The following VPS54 variants were observed in gnomAD, a reference collection of about 807,000 sequenced individuals.
The protein encoded by VPS54 is vacuolar protein sorting-associated protein 54.
VPS54 carries 45 observed loss-of-function variants against 121.5 expected under a neutral mutation model. The observed-to-expected ratio is 0.37, with a 90% confidence interval of 0.29 to 0.47. The LOEUF is 0.47. Among genes scored for constraint, VPS54 ranks in the 20% least tolerant of loss-of-function variants. VPS54 has a pLI of 0.99. For synonymous variants in VPS54, 371 were observed against 385.8 expected, an observed-to-expected ratio of 0.96 and a Z score of 0.45; for missense variants, 1,090 against 1,131.4, an observed-to-expected ratio of 0.96 and a Z score of 0.52.
At position 63,897,472 on chromosome 2, in the gene VPS54, T is replaced by C. The variant is rs561893673; in HGVS notation, c.2828+24A>G. ...TAAAACAATTCGATATGGGAGTATA[T>C]GGTGAAAACGTTAAAAAACATACCC... On this transcript the variant is annotated intron_variant, in intron 22 of 22. Transcript: ENST00000272322. 8.3e-6 allele frequency: 12 copies of C among 1,444,428 alleles called. No homozygotes were observed. The South Asian group carries it at 1.2e-4, about 15-fold the overall frequency. The allele number at this position is 1,444,428 out of a possible 1,614,324, so 89.5% of individuals were successfully genotyped here. A position where few individuals can be genotyped will look rare whatever the true frequency, so the allele number is the denominator to read the frequency against.
rs368443052 is a variant in VPS54, at chr2:63,969,176, A to T, written c.458-185T>A. Among the ~76,000 whole-genome samples, 39 of 152,334 alleles carry T rather than the reference A, an allele frequency of 2.6e-4. No individual in the cohort carries two copies. In the East Asian group the frequency reaches 6.4e-3, roughly 25 times the overall value. ...TAGTAGGCAAAGCGCTGAACAAAAC[A>T]ATGTTTCAGGTAATTGTAATCAATT... On this transcript the variant is annotated intron_variant, in intron 4 of 22. Transcript: ENST00000272322.
At chr2:63,964,528 A>C (rs1675902063) in intron 6 of VPS54, among the ~76,000 whole-genome samples, 1 of 152,190 alleles carries the variant, frequency 6.6e-6, no homozygotes, top group Non-Finnish European at 1.5e-5. Context: ...TTAGAATATG[A>C]AAGCCTGTGT....
At chr2:63,934,342 T>C (rs1034715305) in intron 11 of VPS54, among the ~76,000 whole-genome samples, 5 of 152,198 alleles carry the variant, frequency 3.3e-5, no homozygotes, top group African/African-American at 7.2e-5. Context: ...CAGAGAATCA[T>C]ATACATTGAT....
chr2:63,918,768 C>A (rs1673500558), intron 15 of VPS54, among the ~76,000 whole-genome samples: 1 of 152,098 alleles, frequency 6.6e-6, no homozygotes, highest in African/African-American at 2.4e-5. Flanking sequence ...CCCTCTCTCT[C>A]TAACTTCTTT....
chr2:63,989,682 CTG>C (rs1264312273), intron 1 of VPS54, among the ~76,000 whole-genome samples: 1 of 152,280 alleles, frequency 6.6e-6, no homozygotes, highest in East Asian at 1.9e-4. Context: ...GGTGAGTAGT[CTG>C]TGAATTTGTC....
intron 2 of VPS54, 43 bp from the exon 3 acceptor site, chr2:63,981,930 T>C (rs1349983194): frequency 6.4e-7 from 1 of 1,566,054 alleles, no homozygotes; most frequent in Admixed American, 1.9e-5. Context: ...GCTGTAAAAT[T>C]GGTTCTATGT....
chr2:63,940,524 G>C (rs1366539906), intron 11 of VPS54, among the ~76,000 whole-genome samples: 1 of 152,134 alleles, frequency 6.6e-6, no homozygotes, highest in Non-Finnish European at 1.5e-5. Context: ...CTGAATGATA[G>C]ATTCTGGGAG....
chr2:63,988,000 G>A (rs1254045006), intron 1 of VPS54, among the ~76,000 whole-genome samples: 3 of 152,136 alleles, frequency 2.0e-5, no homozygotes, highest in Non-Finnish European at 4.4e-5. Flanking sequence ...TTCCAATTTG[G>A]ATGCTTTCTT....
chr2:63,900,919 C>G (rs999019480), intron 20 of VPS54, among the ~76,000 whole-genome samples: 2 of 152,186 alleles, frequency 1.3e-5, no homozygotes, highest in East Asian at 3.9e-4. Flanking sequence ...CTTGCCACCC[C>G]GCCCAGGTAA....
intron 11 of VPS54, among the ~76,000 whole-genome samples, chr2:63,938,059 G>GTGTGTGTGTGTGTGTGTGTGTGTGTGTGT (rs9309357): frequency 7.1e-5 from 10 of 140,478 alleles, no homozygotes; most frequent in African/African-American, 2.8e-4. Flanking sequence ...TGGTGTGTGT[G>GTGTGTGTGTGTGTGTGTGTGTGTGTGTGT]GTGTGTGTGT....
chr2:63,984,067 C>G, intron 1 of VPS54, 48 bp from the exon 2 acceptor site: 1 of 1,466,328 alleles, frequency 6.8e-7, no homozygotes, highest in African/African-American at 1.4e-5. Flanking sequence ...AATCAAAATC[C>G]AAGTATTATA....
intron 1 of VPS54, among the ~76,000 whole-genome samples, chr2:63,986,456 C>T (rs1289934946): frequency 6.6e-6 from 1 of 152,226 alleles, no homozygotes; most frequent in Non-Finnish European, 1.5e-5. Context: ...TTTTCTATGG[C>T]TGAATAGTTC....
At chr2:63,952,367 G>A (rs1675293846) in intron 7 of VPS54, among the ~76,000 whole-genome samples, 1 of 152,078 alleles carries the variant, frequency 6.6e-6, no homozygotes, top group African/African-American at 2.4e-5. Context: ...GGAAAAAAAT[G>A]TTTTAAGCTC....
chr2:64,017,021 TAAAAAAAAAA>T (rs777168254), intron 1 of VPS54, among the ~76,000 whole-genome samples: 3 of 100,382 alleles, frequency 3.0e-5, no homozygotes, highest in Admixed American at 1.1e-4. Context: ...TTTTGTTGAT[TAAAAAAAAAA>T]AAAAAAAAAA....
chr2:63,933,422 T>C (rs1450831596), intron 12 of VPS54, among the ~76,000 whole-genome samples: 1 of 152,172 alleles, frequency 6.6e-6, no homozygotes, highest in Non-Finnish European at 1.5e-5. Context: ...ATCACTGAAA[T>C]GAGGGCATTT....
intron 3 of VPS54, among the ~76,000 whole-genome samples, chr2:63,972,926 G>A (rs1375669182): frequency 8.0e-5 from 12 of 150,728 alleles, no homozygotes; most frequent in Admixed American, 1.3e-4. Context: ...TTATTGACAC[G>A]TTCTGAGTAA....
At position 63,942,524 on chromosome 2, in the gene VPS54, A is replaced by C. The variant is rs751413916; in HGVS notation, c.1339T>G (p.Trp447Gly). The change falls in exon 11 of 23, where the codon TGG becomes GGG. Residue 447 changes from tryptophan (W) to glycine (G), a missense_variant. Around this residue, in one of 2 missense-constraint regions of VPS54, gnomAD observed 801 missense variants for 757.0 expected, o/e 1.06. Transcript: ENST00000272322. ...AAAATATCCTTGAGCAGATCAAACC[A>C]CTGGGGAAAATTCAACATTCTCATC... is the stretch of plus-strand genomic sequence containing the variant. ...DQMRMLNFPQ[W>G]FDLLKDIFSK... The C allele has an allele frequency of 6.3e-7, 1 of 1,597,434 alleles. No individual in the cohort carries two copies. Among genetic ancestry groups the C allele is most frequent in the Non-Finnish European group, 8.5e-7 (1 of 1,170,752 alleles).
intron 20 of VPS54, among the ~76,000 whole-genome samples, chr2:63,901,040 G>A (rs779733881): frequency 1.1e-4 from 17 of 152,270 alleles, no homozygotes; most frequent in South Asian, 8.3e-4. Flanking sequence ...GATTACAGGC[G>A]TGTGCCACCA....
At chr2:63,989,616 C>A (rs188332683) in intron 1 of VPS54, among the ~76,000 whole-genome samples, 1 of 152,154 alleles carries the variant, frequency 6.6e-6, no homozygotes, top group Non-Finnish European at 1.5e-5. Flanking sequence ...TTGGTAGGTG[C>A]GGAGAAATGT....
Sources: gnomAD v4.1 joint callset for allele counts (sites outside exome capture counted in the v4.1 genomes callset) on GRCh38, gnomAD v4.1.1 for gene constraint, gnomAD v4.1.1 regional missense constraint, MANE v1.5 for transcripts, NCBI Gene and HGNC (gene_info 2026-07-23, HGNC 2026-07-21) for gene names.